Variants in CSMD1 observed in about 807,000 individuals in gnomAD.
CSMD1 encodes CUB and Sushi multiple domains 1.
CSMD1 carries 213 observed loss-of-function variants against 417.5 expected under a neutral mutation model. The ratio of observed to expected loss-of-function variants is 0.51; its 90% CI spans 0.46 to 0.57. The LOEUF (loss-of-function observed/expected upper bound fraction) is 0.57. CSMD1 is among the 20% of genes least tolerant of loss of function. The pLI is 0.00. For synonymous variants in CSMD1, 2,862 were observed against 1,736.8 expected, an observed-to-expected ratio of 1.65 and a Z score of -16.11; for missense variants, 6,923 against 4,529.7, an observed-to-expected ratio of 1.53 and a Z score of -15.17.
At chr8:3,413,950 C>A (rs1320932859) in intron 12 of CSMD1, among the ~76,000 whole-genome samples, 1 of 151,630 alleles carries the variant, frequency 6.6e-6, no homozygotes, top group Non-Finnish European at 1.5e-5. Context: ...ACCAGCCTGG[C>A]CAACATCATG....
intron 3 of CSMD1, among the ~76,000 whole-genome samples, chr8:4,088,057 G>A (rs1202706266): frequency 1.3e-5 from 2 of 152,124 alleles, no homozygotes; most frequent in Admixed American, 1.3e-4. Flanking sequence ...CATGACCTTT[G>A]ACAATCACAG....
rs541644831 is a variant in CSMD1 at position 3,687,865 on chromosome 8, G to C, written c.1009+20549C>G. ...CCACTCTTGGTCTCCACTCAGTGAG[G>C]ACCAGAGTCCGTACTGATGACCTGG... On this transcript the variant is annotated intron_variant, in intron 7 of 69. Transcript: ENST00000635120. Among the ~76,000 whole-genome samples, 157 of 152,310 alleles carry C rather than the reference G, an allele frequency of 1.0e-3. 1 individual carries two copies. Among genetic ancestry groups the C allele is most frequent in the Admixed American group, 2.8e-3 (43 of 15,302 alleles).
At chr8:3,439,493 C>CTGTGTGTGTG (rs34772541) in intron 12 of CSMD1, among the ~76,000 whole-genome samples, 7 of 145,412 alleles carry the variant, frequency 4.8e-5, no homozygotes, top group African/African-American at 1.8e-4. Flanking sequence ...GTGTGTGTAT[C>CTGTGTGTGTG]TGTGTGTGTG....
chr8:4,467,598 G>A (rs556962850), intron 2 of CSMD1, among the ~76,000 whole-genome samples: 1 of 152,252 alleles, frequency 6.6e-6, no homozygotes, highest in South Asian at 2.1e-4. Flanking sequence ...CTTTTCAAGA[G>A]TCAGTGCATT....
chr8:4,133,829 A>G (rs1272113587), intron 3 of CSMD1, among the ~76,000 whole-genome samples: 35 of 152,176 alleles, frequency 2.3e-4, no homozygotes, highest in Admixed American at 2.3e-3. Flanking sequence ...TCTCCTCTGA[A>G]ACACACACCT....
intron 3 of CSMD1, among the ~76,000 whole-genome samples, chr8:4,243,358 C>G (rs1465689864): frequency 1.3e-5 from 2 of 152,050 alleles, no homozygotes; most frequent in South Asian, 4.2e-4. Context: ...TATGCAATGC[C>G]GAGAGGGGCC....
chr8:4,052,910 G>A (rs1304046421), intron 3 of CSMD1, among the ~76,000 whole-genome samples: 3 of 152,060 alleles, frequency 2.0e-5, no homozygotes, highest in African/African-American at 7.2e-5. Flanking sequence ...CAGACGTACT[G>A]AACTAGGCGC....
At chr8:3,397,714 C>T (rs77623348) in intron 16 of CSMD1, among the ~76,000 whole-genome samples, 2 of 152,208 alleles carry the variant, frequency 1.3e-5, no homozygotes, top group Middle Eastern at 3.2e-3. Context: ...TTGTCCTATC[C>T]TGTTTCTTTA....
At chr8:3,969,007 T>G (rs1289504807) in intron 5 of CSMD1, among the ~76,000 whole-genome samples, 1 of 152,178 alleles carries the variant, frequency 6.6e-6, no homozygotes, top group Non-Finnish European at 1.5e-5. Context: ...TATCAGCACT[T>G]TGGAAGGCCG....
rs1370499731 is a variant in CSMD1, at chr8:3,833,650, T to C, written c.819-79608A>G. 6.6e-5 allele frequency among the ~76,000 whole-genome samples: 10 copies of C among 152,044 alleles called. No individual in the cohort carries two copies. In the East Asian group the frequency reaches 1.5e-3, roughly 23 times the overall value. On this transcript the variant is annotated intron_variant, in intron 5 of 69. Coordinates refer to ENST00000635120, the MANE Select transcript of CSMD1 (RefSeq NM_033225.6). ...GGAAGTGTCTCTCACAGGATGGTGTTTGTATGGGACAACTTTAAAAATAAA... is the reference window on the plus strand; with the variant it reads ...GGAAGTGTCTCTCACAGGATGGTGTCTGTATGGGACAACTTTAAAAATAAA...
At chr8:4,593,016 T>C (rs2130737825) in intron 2 of CSMD1, among the ~76,000 whole-genome samples, 1 of 152,326 alleles carries the variant, frequency 6.6e-6, no homozygotes, top group South Asian at 2.1e-4. Context: ...TTAGAAAATT[T>C]CTTATTGGTC....
intron 3 of CSMD1, among the ~76,000 whole-genome samples, chr8:4,401,765 T>A (rs1306563369): frequency 1.3e-5 from 2 of 152,110 alleles, no homozygotes; most frequent in Non-Finnish European, 2.9e-5. Flanking sequence ...CTCTTGAACA[T>A]AGTCCCCGCA....
intron 5 of CSMD1, among the ~76,000 whole-genome samples, chr8:3,961,487 C>T (rs1373336660): frequency 6.6e-6 from 1 of 152,122 alleles, no homozygotes; most frequent in Non-Finnish European, 1.5e-5. Context: ...AGTCTAGCCC[C>T]ATATGCGTTC....
chr8:3,324,826 G>C (rs921664031), intron 23 of CSMD1, among the ~76,000 whole-genome samples: 15 of 152,272 alleles, frequency 9.9e-5, no homozygotes, highest in African/African-American at 3.6e-4. Context: ...GGTGCTAATT[G>C]TATCACTTCA....
rs138303808 is a variant in CSMD1, at chr8:4,523,859, C to G, written c.303-103794G>C. Among the ~76,000 whole-genome samples, 13 of 152,288 alleles carry G rather than the reference C, an allele frequency of 8.5e-5. No individual in the cohort carries two copies. In the East Asian group the frequency reaches 2.5e-3, roughly 29 times the overall value. On this transcript the variant is annotated intron_variant, in intron 2 of 69. Coordinates refer to ENST00000635120, the MANE Select transcript of CSMD1 (RefSeq NM_033225.6). ...TTTCTTAACTGTGCCATCTTGACCTCCAACTCCTTTCTCCTTCTTTGGTCT... is the reference window on the plus strand; with the variant it reads ...TTTCTTAACTGTGCCATCTTGACCTGCAACTCCTTTCTCCTTCTTTGGTCT...
chr8:4,529,989 A>T (rs1796714838), intron 2 of CSMD1, among the ~76,000 whole-genome samples: 1 of 152,044 alleles, frequency 6.6e-6, no homozygotes. Flanking sequence ...ATCCCGGCTC[A>T]CTGCAAGCCC....
chr8:4,228,464 C>G (rs1233856892), intron 3 of CSMD1, among the ~76,000 whole-genome samples: 2 of 152,124 alleles, frequency 1.3e-5, no homozygotes, highest in Non-Finnish European at 2.9e-5. Flanking sequence ...AAAGCAGCAC[C>G]ACACAGCTTC....
chr8:4,108,077 G>A (rs1452355137), intron 3 of CSMD1, among the ~76,000 whole-genome samples: 1 of 151,352 alleles, frequency 6.6e-6, no homozygotes, highest in East Asian at 2.0e-4. Flanking sequence ...CAGAGACAGA[G>A]AGAGAGACAG....
At chr8:3,619,581 G>A (rs900231) in intron 7 of CSMD1, among the ~76,000 whole-genome samples, 112,619 of 152,020 alleles carry the variant, frequency 0.74, 41,958 homozygotes, top group African/African-American at 0.83. Context: ...AGACATAGAT[G>A]TACAAATTCA....
Sources: allele counts gnomAD v4.1 joint callset (sites outside exome capture counted in the v4.1 genomes callset), GRCh38; gene constraint gnomAD v4.1.1; transcripts MANE v1.5; gene names NCBI Gene and HGNC (gene_info 2026-07-23, HGNC 2026-07-21).